The following ROBO2 variants were observed in gnomAD, a reference collection of about 807,000 sequenced individuals.
The protein encoded by ROBO2 is roundabout homolog 2.
Under a neutral mutation model 160.8 loss-of-function variants are expected in ROBO2, and 53 were observed. The ratio of observed to expected loss-of-function variants is 0.33; its 90% CI spans 0.26 to 0.41. The LOEUF is 0.41. ROBO2 is among the 10% of genes least tolerant of loss of function. ROBO2 has a pLI of 1.00. For synonymous variants in ROBO2, 664 were observed against 611.7 expected (o/e 1.09, Z -1.26); for missense variants, 1,577 against 1,722.4 (o/e 0.92, Z 1.49).
chr3:76,506,590 C>T (rs1279437518), intron 2 of ROBO2, among the ~76,000 whole-genome samples: 1 of 152,092 alleles, frequency 6.6e-6, no homozygotes, highest in African/African-American at 2.4e-5. Context: ...TCTTTATTTC[C>T]CTTATTCTTT....
intron 2 of ROBO2, among the ~76,000 whole-genome samples, chr3:76,334,560 C>G (rs7643945): frequency 0.1 from 15,738 of 152,056 alleles, 890 homozygotes; most frequent in African/African-American, 0.13. Context: ...CTTGGCTTTT[C>G]TTTTTTTAAG....
intron 24 of ROBO2, among the ~76,000 whole-genome samples, chr3:77,643,365 A>G (rs1329643651): frequency 2.0e-5 from 3 of 152,230 alleles, no homozygotes; most frequent in Non-Finnish European, 2.9e-5. Flanking sequence ...AATTCATTAA[A>G]ATTACAAAGT....
intron 2 of ROBO2, among the ~76,000 whole-genome samples, chr3:76,935,549 C>T (rs1042150929): frequency 6.6e-6 from 1 of 152,144 alleles, no homozygotes; most frequent in South Asian, 2.1e-4. Flanking sequence ...AGGCTACTAT[C>T]ACAGAATACA....
chr3:76,104,023 C>T (rs1490707607), intron 2 of ROBO2, among the ~76,000 whole-genome samples: 1 of 152,166 alleles, frequency 6.6e-6, no homozygotes, highest in Admixed American at 6.5e-5. Flanking sequence ...GGTATCTTCT[C>T]TACTGGCCTT....
intron 2 of ROBO2, among the ~76,000 whole-genome samples, chr3:76,220,939 CAACTAAACCTTCG>C (rs1703925608): frequency 6.6e-6 from 1 of 152,166 alleles, no homozygotes; most frequent in Non-Finnish European, 1.5e-5. Flanking sequence ...AGGGTGGTCA[CAACTAAACCTTCG>C]TTTCTAAAAG....
intron 2 of ROBO2, among the ~76,000 whole-genome samples, chr3:76,041,750 T>C (rs746259419): frequency 1.7e-4 from 26 of 152,162 alleles, no homozygotes; most frequent in Non-Finnish European, 3.2e-4. Flanking sequence ...AAGGTCATTC[T>C]ATTGGCATTT....
At chr3:76,434,081 T>A (rs531882533) in intron 2 of ROBO2, 1 of 1,295,168 alleles carries the variant, frequency 7.7e-7, no homozygotes, top group African/African-American at 1.5e-5. Flanking sequence ...GGAGGCAGTA[T>A]CCCATACCTC....
intron 2 of ROBO2, among the ~76,000 whole-genome samples, chr3:77,354,236 A>G (rs1042586395): frequency 1.3e-5 from 2 of 152,152 alleles, no homozygotes; most frequent in Non-Finnish European, 2.9e-5. Flanking sequence ...GACACTGACA[A>G]TTACAATTTT....
At chr3:77,507,067 G>C (rs2088645193) in intron 5 of ROBO2, among the ~76,000 whole-genome samples, 1 of 152,042 alleles carries the variant, frequency 6.6e-6, no homozygotes, top group Admixed American at 6.6e-5. Flanking sequence ...TTGCTGAATT[G>C]GCGAAACTAG....
At chr3:77,474,657 T>TACAC (rs9286680) in intron 2 of ROBO2, among the ~76,000 whole-genome samples, 6,026 of 128,538 alleles carry the variant, frequency 0.047, 386 homozygotes, top group African/African-American at 0.15. Flanking sequence ...TTAGGGGGAA[T>TACAC]ACACACACAC....
At chr3:76,571,576 CAAAG>C (rs1310510254) in intron 2 of ROBO2, among the ~76,000 whole-genome samples, 2 of 151,892 alleles carry the variant, frequency 1.3e-5, no homozygotes, top group South Asian at 2.1e-4. Context: ...AATCAAGAGA[CAAAG>C]AACAATATAA....
chr3:76,311,811 G>A (rs2071607449), intron 2 of ROBO2, among the ~76,000 whole-genome samples: 1 of 152,174 alleles, frequency 6.6e-6, no homozygotes, highest in Non-Finnish European at 1.5e-5. Flanking sequence ...GGATGTCTGA[G>A]AAAGGGCATG....
chr3:77,446,187 C>T (rs538487261), intron 2 of ROBO2, among the ~76,000 whole-genome samples: 3 of 152,012 alleles, frequency 2.0e-5, no homozygotes, highest in Admixed American at 1.3e-4. Context: ...TTACTAAATA[C>T]TTTTCAGCAC....
At chr3:77,207,898 C>T (rs1475657048) in intron 2 of ROBO2, among the ~76,000 whole-genome samples, 1 of 152,180 alleles carries the variant, frequency 6.6e-6, no homozygotes, top group Non-Finnish European at 1.5e-5. Context: ...AACGCGTGGG[C>T]ACTAAAGATG....
chr3:76,917,484 A>C (rs542868492), intron 2 of ROBO2, among the ~76,000 whole-genome samples: 7 of 152,308 alleles, frequency 4.6e-5, no homozygotes, highest in African/African-American at 1.7e-4. Context: ...TATTCAGTGG[A>C]ATCAGCGCTA....
intron 6 of ROBO2, among the ~76,000 whole-genome samples, chr3:77,541,947 G>GT (rs138412817): frequency 0.045 from 6,718 of 149,522 alleles, 474 homozygotes; most frequent in African/African-American, 0.15. Context: ...GGACCTAGTA[G>GT]TTTTTTTTTT....
intron 2 of ROBO2, among the ~76,000 whole-genome samples, chr3:76,141,482 A>T (rs945098801): frequency 3.3e-5 from 5 of 151,644 alleles, no homozygotes; most frequent in Non-Finnish European, 5.9e-5. Context: ...ACACATAATT[A>T]AAAAAATCCT....
intron 2 of ROBO2, among the ~76,000 whole-genome samples, chr3:76,956,539 A>G (rs2149208814): frequency 6.8e-6 from 1 of 148,008 alleles, no homozygotes; most frequent in East Asian, 2.0e-4. Flanking sequence ...CCTGGGCGAC[A>G]GAGCGAGACT....
At chr3:76,934,882 A>G (rs1577615005) in intron 2 of ROBO2, among the ~76,000 whole-genome samples, 1 of 152,266 alleles carries the variant, frequency 6.6e-6, no homozygotes, top group South Asian at 2.1e-4. Flanking sequence ...ACAAAATAAA[A>G]ATTTAAGCCC....
Sources: allele counts gnomAD v4.1 joint callset (sites outside exome capture counted in the v4.1 genomes callset), GRCh38; gene constraint gnomAD v4.1.1; transcripts MANE v1.5; gene names NCBI Gene and HGNC (gene_info 2026-07-23, HGNC 2026-07-21).